CLMP: variants seen among roughly 807,000 people sequenced by gnomAD.
CLMP encodes the protein CXADR-like membrane protein.
In CLMP, 27 loss-of-function variants were observed where a neutral mutation model predicts 45.2. That is an observed-to-expected ratio of 0.60 (90% CI 0.44 to 0.82). CLMP has a LOEUF of 0.82. Ranked by LOEUF, CLMP falls within the 40% of genes least tolerant of loss-of-function variation. The probability of loss-of-function intolerance (pLI) is 0.00; values close to 1 mark genes in which losing one functional copy is unlikely to be tolerated. For missense variants in CLMP, 403 were observed against 448.4 expected (o/e 0.90, Z 0.91); for synonymous variants, 167 against 171.4 (o/e 0.97, Z 0.20).
chr11:123,110,882 G>A (rs116341920), intron 1 of CLMP, among the ~76,000 whole-genome samples: 2,783 of 152,262 alleles, frequency 0.018, 86 homozygotes, highest in African/African-American at 0.063. Context: ...TGTTTAGTGA[G>A]TTTTCCATTA....
At chr11:123,190,458 ATAACCT>A (rs977702160) in intron 1 of CLMP, among the ~76,000 whole-genome samples, 78 of 152,346 alleles carry the variant, frequency 5.1e-4, no homozygotes, top group African/African-American at 1.8e-3. Context: ...AAACTTAGAG[ATAACCT>A]TAATCTCATA....
chr11:123,083,121 C>G lies in CLMP; in HGVS notation c.643G>C (p.Gly215Arg), dbSNP rs769918003. The G allele has an allele frequency of 6.2e-7, 1 of 1,614,188 alleles. No individual in the cohort carries two copies. Among genetic ancestry groups the G allele is most frequent in the Non-Finnish European group, 8.5e-7 (1 of 1,180,030 alleles). The change falls in exon 5 of 7, where the codon GGG becomes CGG. Residue 215 changes from glycine to arginine, a missense_variant. Coordinates refer to ENST00000448775, the MANE Select transcript of CLMP (RefSeq NM_024769.5). Reference protein sequence around the residue: ...LYQCTAGNEAGKESCVVRVTV... With the variant: ...LYQCTAGNEARKESCVVRVTV... ...ACTCGCACCACACAGCTTTCCTTCC[C>G]AGCTTCGTTGCCTGCTGTGCACTGG... is the stretch of plus-strand genomic sequence containing the variant.
chr11:123,100,808 T>A (rs1315103303), intron 1 of CLMP, among the ~76,000 whole-genome samples: 1 of 151,922 alleles, frequency 6.6e-6, no homozygotes, highest in Non-Finnish European at 1.5e-5. Flanking sequence ...CAAAAACACT[T>A]TTTTTTTCCT....
intron 1 of CLMP, among the ~76,000 whole-genome samples, chr11:123,118,286 T>G (rs1178950910): frequency 1.3e-5 from 2 of 152,120 alleles, no homozygotes; most frequent in African/African-American, 2.4e-5. Context: ...TGCACCACCA[T>G]GCCTGGCTAA....
chr11:123,142,873 A>G (rs11219019), intron 1 of CLMP, among the ~76,000 whole-genome samples: 64,534 of 149,330 alleles, frequency 0.43, 15,144 homozygotes, highest in African/African-American at 0.63. Context: ...TGATCCACCC[A>G]CCTCGGCCTC....
intron 1 of CLMP, among the ~76,000 whole-genome samples, chr11:123,150,517 A>C (rs111986010): frequency 1.3e-3 from 166 of 128,318 alleles, no homozygotes; most frequent in South Asian, 8.0e-3. Context: ...GGAAGGAAGG[A>C]AGGAAGGAAG....
At chr11:123,112,344 T>C (rs1000135853) in intron 1 of CLMP, among the ~76,000 whole-genome samples, 3 of 150,386 alleles carry the variant, frequency 2.0e-5, no homozygotes, top group Non-Finnish European at 4.5e-5. Context: ...TTTTCTTTTT[T>C]TTTTTTTTTT....
chr11:123,171,008 G>T (rs895324443), intron 1 of CLMP, among the ~76,000 whole-genome samples: 4 of 152,162 alleles, frequency 2.6e-5, no homozygotes, highest in Admixed American at 2.6e-4. Flanking sequence ...TATGATATTT[G>T]TTAAAACCAG....
At chr11:123,174,003 A>C (rs1263001646) in intron 1 of CLMP, among the ~76,000 whole-genome samples, 1 of 152,134 alleles carries the variant, frequency 6.6e-6, no homozygotes, top group Non-Finnish European at 1.5e-5. Context: ...GGACCACCTG[A>C]GTCTGGGAAG....
intron 1 of CLMP, among the ~76,000 whole-genome samples, chr11:123,184,385 G>A (rs991105523): frequency 3.1e-4 from 47 of 152,252 alleles, no homozygotes; most frequent in Admixed American, 1.3e-4. Context: ...ATGAGCCACC[G>A]TGCCCAGCCG....
chr11:123,083,627 A>G, intron 4 of CLMP, 53 bp downstream of exon 4: 10 of 1,576,564 alleles, frequency 6.3e-6, no homozygotes, highest in African/African-American at 1.3e-5. Flanking sequence ...TTTAGAGCTC[A>G]CGGATAGAGG....
At chr11:123,114,198 G>T (rs1323195761) in intron 1 of CLMP, among the ~76,000 whole-genome samples, 1 of 152,144 alleles carries the variant, frequency 6.6e-6, no homozygotes, top group Non-Finnish European at 1.5e-5. Flanking sequence ...TCGATTGTTA[G>T]GGATCCATGG....
intron 1 of CLMP, among the ~76,000 whole-genome samples, chr11:123,138,163 G>A (rs1861104691): frequency 6.6e-6 from 1 of 151,990 alleles, no homozygotes; most frequent in African/African-American, 2.4e-5. Context: ...TGAGGGGTGA[G>A]GCAAATTCAT....
chr11:123,144,948 C>CCACT (rs1410471515), intron 1 of CLMP, among the ~76,000 whole-genome samples: 2 of 152,046 alleles, frequency 1.3e-5, no homozygotes, highest in African/African-American at 4.8e-5. Context: ...GCTGCACCAG[C>CCACT]CACTACATGT....
chr11:123,073,522 G>A lies in CLMP; in HGVS notation c.1074C>T (p.Thr358=). The A allele has an allele frequency of 6.2e-7, 1 of 1,614,172 alleles. No individual in the cohort carries two copies. Among genetic ancestry groups the A allele is most frequent in the Non-Finnish European group, 8.5e-7 (1 of 1,180,028 alleles). Residue 358 remains threonine (T), a synonymous_variant, in exon 7 of 7, where the codon ACC becomes ACT. Coordinates refer to ENST00000448775, the MANE Select transcript of CLMP (RefSeq NM_024769.5). ...VHHANLTKAE[T]TPSMIPSQSR... ...TCTGGCTGGGGATCATGCTGGGTGTGGTTTCTGCTTTGGTCAGATTAGCAT... is the reference window on the plus strand; with the variant it reads ...TCTGGCTGGGGATCATGCTGGGTGTAGTTTCTGCTTTGGTCAGATTAGCAT...
intron 1 of CLMP, among the ~76,000 whole-genome samples, chr11:123,125,538 C>T (rs1331516052): frequency 4.9e-5 from 4 of 82,166 alleles, no homozygotes; most frequent in Admixed American, 1.4e-4. Context: ...CTTCCCTCCC[C>T]TTCCCTCCCC....
chr11:123,170,595 A>G (rs1174351465), intron 1 of CLMP, among the ~76,000 whole-genome samples: 1 of 152,020 alleles, frequency 6.6e-6, no homozygotes, highest in Non-Finnish European at 1.5e-5. Context: ...GCAGGCCACC[A>G]CATCTGGCTA....
At chr11:123,087,760 C>T (rs1479836097) in intron 2 of CLMP, among the ~76,000 whole-genome samples, 1 of 147,736 alleles carries the variant, frequency 6.8e-6, no homozygotes, top group African/African-American at 2.5e-5. Context: ...GGCAGAGGTT[C>T]CAGTGAGCCA....
intron 1 of CLMP, among the ~76,000 whole-genome samples, chr11:123,106,877 C>A (rs370226579): frequency 6.6e-6 from 1 of 151,752 alleles, no homozygotes; most frequent in South Asian, 2.1e-4. Context: ...AAAATTAGCC[C>A]GGCGAGGTGG....
Sources: gnomAD v4.1 joint callset for allele counts (sites outside exome capture counted in the v4.1 genomes callset) on GRCh38, gnomAD v4.1.1 for gene constraint, MANE v1.5 for transcripts, NCBI Gene and HGNC (gene_info 2026-07-23, HGNC 2026-07-21) for gene names.